CUBN: variants seen among roughly 807,000 people sequenced by gnomAD.
CUBN encodes the protein 460 kDa receptor.
In CUBN, 282 loss-of-function variants were observed where a neutral mutation model predicts 405.3. The ratio of observed to expected loss-of-function variants is 0.70; its 90% CI spans 0.63 to 0.77. The LOEUF (loss-of-function observed/expected upper bound fraction) is 0.77. Among genes scored for constraint, CUBN ranks in the 30% least tolerant of loss-of-function variants. CUBN has a pLI of 0.00. For synonymous variants in CUBN, 1,684 were observed against 1,617.0 expected, an observed-to-expected ratio of 1.04 and a Z score of -0.99; for missense variants, 4,514 against 4,475.2, an observed-to-expected ratio of 1.01 and a Z score of -0.25.
chr10:16,832,759 G>A (rs1839046721), intron 64 of CUBN, among the ~76,000 whole-genome samples: 1 of 152,178 alleles, frequency 6.6e-6, no homozygotes. Context: ...GGAGGTGAAG[G>A]CATGAAAACA....
At chr10:16,891,885 A>T (rs12772253) in intron 54 of CUBN, among the ~76,000 whole-genome samples, 1 of 144,888 alleles carries the variant, frequency 6.9e-6, no homozygotes, top group Admixed American at 7.9e-5. Flanking sequence ...CTATTGCTAC[A>T]CAATCTGCAA....
intron 66 of CUBN, among the ~76,000 whole-genome samples, chr10:16,827,931 C>T (rs1469730279): frequency 6.6e-6 from 1 of 152,180 alleles, no homozygotes; most frequent in African/African-American, 2.4e-5. Flanking sequence ...ATGAGAGGAT[C>T]GTAAGCACAG....
chr10:17,029,803 G>A (rs1253648149), intron 27 of CUBN, among the ~76,000 whole-genome samples: 5 of 152,154 alleles, frequency 3.3e-5, no homozygotes, highest in African/African-American at 2.4e-5. Flanking sequence ...TCTGCATCTC[G>A]CCAACTGGAA....
At position 17,032,890 on chromosome 10, in the gene CUBN, C is replaced by A. The variant is rs141094685; in HGVS notation, c.4017+8143G>T. On this transcript the variant is annotated intron_variant, in intron 27 of 66. Transcript: ENST00000377833. ...TCTATCAGGCTATATTCTGATGTCT[C>A]CCTTTCCTTCATCCTGTTGTTATCC... is the stretch of plus-strand genomic sequence containing the variant. Among the ~76,000 whole-genome samples the A allele has an allele frequency of 1.8e-3, 273 of 152,278 alleles. 1 individual carries two copies. The highest frequency in any genetic ancestry group is 5.6e-3 in the African/African-American group (234 of 41,550).
Position 16,876,839 on chromosome 10 carries a change from T to G in CUBN, c.9106+58A>C, listed in dbSNP as rs1840518179. 4 of 1,437,286 alleles carry G rather than the reference T, an allele frequency of 2.8e-6. No individual in the cohort carries two copies. The East Asian group carries it at 6.8e-5, about 25-fold the overall frequency. 89.0% of individuals were successfully genotyped at this position (1,437,286 alleles called of 1,614,324 possible). On this transcript the variant is annotated intron_variant, in intron 57 of 66. Coordinates refer to ENST00000377833, the MANE Select transcript of CUBN (RefSeq NM_001081.4). ...CTGTATGAATCGCAGTGAAAACTCTTTGTATACATTACTCAGAAAAGAAGA... is the reference window on the plus strand; with the variant it reads ...CTGTATGAATCGCAGTGAAAACTCTGTGTATACATTACTCAGAAAAGAAGA...
At chr10:16,912,557 A>C (rs1422929115) in intron 48 of CUBN, among the ~76,000 whole-genome samples, 1 of 152,192 alleles carries the variant, frequency 6.6e-6, no homozygotes, top group Non-Finnish European at 1.5e-5. Flanking sequence ...CTGTAATATA[A>C]GGTACTTAGA....
At position 17,111,033 on chromosome 10, in the gene CUBN, A is replaced by G; in HGVS notation, c.901T>C (p.Tyr301His). ...ACPTGWQGNG[Y>H]ICEDINECEI... ...CATTCATTGATATCTTCGCAAATAT[A>G]TCCATTGCCTTGCCAGCCTAGGAAA... The change falls in exon 9 of 67, where the codon TAT becomes CAT. Residue 301 changes from tyrosine to histidine, a missense_variant. Coordinates refer to ENST00000377833, the MANE Select transcript of CUBN (RefSeq NM_001081.4). 5.0e-6 allele frequency: 8 copies of G among 1,614,192 alleles called. No homozygotes were observed. The South Asian group carries it at 8.8e-5, about 18-fold the overall frequency.
chr10:16,920,395 G>T (rs933357806), intron 43 of CUBN, among the ~76,000 whole-genome samples: 4 of 152,166 alleles, frequency 2.6e-5, no homozygotes, highest in African/African-American at 9.7e-5. Context: ...CCAACCAAAT[G>T]ATTATGGCAC....
chr10:16,997,045 CT>C (rs147423439), intron 28 of CUBN, among the ~76,000 whole-genome samples: 1 of 152,138 alleles, frequency 6.6e-6, no homozygotes, highest in Non-Finnish European at 1.5e-5. Flanking sequence ...ATTTTAATAG[CT>C]TTTTTTCTAT....
At chr10:16,889,924 A>G (rs1840943388) in intron 55 of CUBN, among the ~76,000 whole-genome samples, 1 of 125,734 alleles carries the variant, frequency 8.0e-6, no homozygotes, top group Admixed American at 8.7e-5. Flanking sequence ...CGACAGAGTG[A>G]GACGCCGTGT....
chr10:17,052,310 A>G (rs966219774), intron 22 of CUBN, among the ~76,000 whole-genome samples: 2 of 152,220 alleles, frequency 1.3e-5, no homozygotes, highest in African/African-American at 4.8e-5. Flanking sequence ...AAGGAAAATG[A>G]TACCAAACAG....
chr10:16,986,337 C>G (rs1410028745), intron 29 of CUBN, among the ~76,000 whole-genome samples: 2 of 152,012 alleles, frequency 1.3e-5, no homozygotes, highest in East Asian at 3.9e-4. Flanking sequence ...CTTGCCCACC[C>G]TCAGGACCCA....
chr10:16,920,375 T>C (rs1842002086), intron 43 of CUBN, among the ~76,000 whole-genome samples: 2 of 152,216 alleles, frequency 1.3e-5, no homozygotes, highest in Admixed American at 1.3e-4. Context: ...AATTTCATTC[T>C]TTCTTAAAGC....
intron 6 of CUBN, among the ~76,000 whole-genome samples, chr10:17,119,760 T>C (rs2131319480): frequency 6.6e-6 from 1 of 152,280 alleles, no homozygotes; most frequent in Middle Eastern, 3.4e-3. Flanking sequence ...GAAATGTAAT[T>C]GTGTTAGTTG....
intron 31 of CUBN, among the ~76,000 whole-genome samples, chr10:16,976,592 C>T (rs1237132427): frequency 6.6e-6 from 1 of 151,894 alleles, no homozygotes; most frequent in African/African-American, 2.4e-5. Context: ...ATGACTTCCA[C>T]CAGTTTTGGA....
chr10:16,985,566 T>C (rs1051892955), intron 29 of CUBN, among the ~76,000 whole-genome samples: 1 of 152,154 alleles, frequency 6.6e-6, no homozygotes, highest in Non-Finnish European at 1.5e-5. Flanking sequence ...TTGAGCCCTC[T>C]GTGGATGGCA....
chr10:16,915,176 T>C lies in CUBN; in HGVS notation c.7211-4A>G. ...CAGTATCTGCCCAAGATGTTTCCTG[T>C]GAGAGACAAATAATTAAATATACAT... On this transcript the variant is annotated splice_polypyrimidine_tract_variant and splice_region_variant and intron_variant, in intron 46 of 66. Coordinates refer to ENST00000377833, the MANE Select transcript of CUBN (RefSeq NM_001081.4). 1 of 1,613,708 alleles carries C rather than the reference T, an allele frequency of 6.2e-7. No homozygotes were observed. The highest frequency in any genetic ancestry group is 8.5e-7 in the Non-Finnish European group (1 of 1,179,978).
chr10:17,097,314 A>T (rs1257593744), intron 14 of CUBN, among the ~76,000 whole-genome samples: 1 of 152,148 alleles, frequency 6.6e-6, no homozygotes, highest in Non-Finnish European at 1.5e-5. Context: ...CTGAAAGTAC[A>T]GATGAGTTTC....
In CUBN at chr10:16,918,494, G is replaced by C. The variant is rs1388535651; in HGVS notation, c.7000+128C>G. 1.6e-5 allele frequency: 11 copies of C among 678,786 alleles called. No individual in the cohort carries two copies. In the Admixed American group the frequency reaches 2.5e-4, roughly 15 times the overall value. 42.0% of individuals were successfully genotyped at this position (678,786 alleles called of 1,614,324 possible). A position where few individuals can be genotyped will look rare whatever the true frequency, so the allele number is the denominator to read the frequency against. On this transcript the variant is annotated intron_variant, in intron 45 of 66. Coordinates refer to ENST00000377833, the MANE Select transcript of CUBN (RefSeq NM_001081.4). ...AGAAGAGCAGAAAAAATAACTATTA[G>C]GTACTAGGCATAGTACCTGGCTGAT...
Sources: allele counts gnomAD v4.1 joint callset (sites outside exome capture counted in the v4.1 genomes callset), GRCh38; gene constraint gnomAD v4.1.1; transcripts MANE v1.5; gene names NCBI Gene and HGNC (gene_info 2026-07-23, HGNC 2026-07-21).